RNGTT: variants seen among roughly 807,000 people sequenced by gnomAD.
RNGTT encodes mRNA-capping enzyme.
In RNGTT, 33 loss-of-function variants were observed where a neutral mutation model predicts 79.3. The ratio of observed to expected loss-of-function variants is 0.42; its 90% confidence interval spans 0.32 to 0.56. The LOEUF (loss-of-function observed/expected upper bound fraction) is 0.56, where lower values mean the gene tolerates loss of function less well. RNGTT is among the 20% of genes least tolerant of loss of function. The probability of loss-of-function intolerance (pLI) is 0.17; values close to 1 mark genes in which losing one functional copy is unlikely to be tolerated. For missense variants in RNGTT, 497 were observed against 739.1 expected, an observed-to-expected ratio of 0.67 and a Z score of 3.80; for synonymous variants, 222 against 235.9, an observed-to-expected ratio of 0.94 and a Z score of 0.54.
At chr6:88,906,481 T>C in intron 4 of RNGTT, 41 bp from the exon 5 acceptor site, 1 of 1,197,114 alleles carries the variant, frequency 8.4e-7, no homozygotes, top group Non-Finnish European at 1.2e-6. Context: ...AACAAATCAC[T>C]GCAGAGGCCA....
intron 13 of RNGTT, among the ~76,000 whole-genome samples, chr6:88,694,552 C>T (rs889720681): frequency 6.6e-5 from 10 of 151,828 alleles, no homozygotes; most frequent in Non-Finnish European, 1.2e-4. Flanking sequence ...CAATCCCTAT[C>T]GAAATTACAA....
At chr6:88,879,266 C>T (rs763703952) in intron 8 of RNGTT, among the ~76,000 whole-genome samples, 1 of 152,058 alleles carries the variant, frequency 6.6e-6, no homozygotes, top group African/African-American at 2.4e-5. Flanking sequence ...TGGTGGCATG[C>T]GCCTGTAGTC....
At chr6:88,942,182 A>C (rs970416011) in intron 1 of RNGTT, among the ~76,000 whole-genome samples, 29 of 152,128 alleles carry the variant, frequency 1.9e-4, no homozygotes, top group African/African-American at 7.0e-4. Flanking sequence ...TCTATATCTC[A>C]GGATAAAGAC....
At chr6:88,725,505 A>AG (rs1776863284) in intron 13 of RNGTT, among the ~76,000 whole-genome samples, 1 of 152,232 alleles carries the variant, frequency 6.6e-6, no homozygotes, top group Admixed American at 6.5e-5. Context: ...AGAAAGCCAC[A>AG]GGGGGTGGTG....
chr6:88,713,361 T>TGGGTA (rs1776384946), intron 13 of RNGTT, among the ~76,000 whole-genome samples: 1 of 152,204 alleles, frequency 6.6e-6, no homozygotes, highest in Non-Finnish European at 1.5e-5. Context: ...TTGTTTAAGT[T>TGGGTA]ACCCAGTCTA....
intron 11 of RNGTT, among the ~76,000 whole-genome samples, chr6:88,823,506 T>C (rs1227439548): frequency 6.6e-6 from 1 of 150,568 alleles, no homozygotes; most frequent in Non-Finnish European, 1.5e-5. Flanking sequence ...GGAGAATATA[T>C]CAGAAAAATA....
chr6:88,787,406 A>G (rs1392334213), intron 12 of RNGTT, among the ~76,000 whole-genome samples: 1 of 152,154 alleles, frequency 6.6e-6, no homozygotes, highest in Non-Finnish European at 1.5e-5. Context: ...CATGCCTGTA[A>G]TCCCAGCACT....
At chr6:88,741,330 T>C (rs573323923) in intron 13 of RNGTT, among the ~76,000 whole-genome samples, 59 of 152,130 alleles carry the variant, frequency 3.9e-4, no homozygotes, top group Non-Finnish European at 7.2e-4. Context: ...TTATTCTAAA[T>C]GTGAGAACAG....
intron 8 of RNGTT, among the ~76,000 whole-genome samples, chr6:88,855,894 T>C (rs1387597118): frequency 1.3e-5 from 2 of 152,238 alleles, no homozygotes; most frequent in South Asian, 2.1e-4. Context: ...GGATTATGTT[T>C]CAAAAGGAAT....
chr6:88,619,805 G>A lies in RNGTT; in HGVS notation c.1507-5410C>T, dbSNP rs376646798. On this transcript the variant is annotated intron_variant, in intron 14 of 15. Transcript: ENST00000369485. ...ACTCAAACAAAAATCTTGTTTTCAC[G>A]TAAATAACTTTGGTTTTTAGTTCTT... 1.2e-4 allele frequency among the ~76,000 whole-genome samples: 18 copies of A among 152,062 alleles called. No individual in the cohort carries two copies. In the East Asian group the frequency reaches 2.1e-3, roughly 18 times the overall value.
At chr6:88,668,725 G>A (rs946518299) in intron 14 of RNGTT, among the ~76,000 whole-genome samples, 3 of 150,956 alleles carry the variant, frequency 2.0e-5, no homozygotes, top group African/African-American at 7.4e-5. Context: ...GAGGACTGGT[G>A]GGGACTCATG....
chr6:88,943,416 A>G (rs1784911537), intron 1 of RNGTT, among the ~76,000 whole-genome samples: 1 of 152,294 alleles, frequency 6.6e-6, no homozygotes, highest in Admixed American at 6.5e-5. Context: ...TCCACCTTCA[A>G]AATACATCCA....
chr6:88,765,961 T>C (rs528076712), intron 13 of RNGTT, among the ~76,000 whole-genome samples: 18 of 152,114 alleles, frequency 1.2e-4, no homozygotes, highest in Non-Finnish European at 1.9e-4. Flanking sequence ...ACACAGAAAG[T>C]TGGACTTAGT....
intron 13 of RNGTT, among the ~76,000 whole-genome samples, chr6:88,734,444 A>G (rs939052262): frequency 6.6e-6 from 1 of 152,182 alleles, no homozygotes; most frequent in Admixed American, 6.5e-5. Context: ...AAAAACAGAT[A>G]TAAACATGGT....
intron 1 of RNGTT, among the ~76,000 whole-genome samples, chr6:88,953,268 T>C (rs896992167): frequency 1.8e-4 from 28 of 151,910 alleles, no homozygotes; most frequent in Admixed American, 1.8e-3. Flanking sequence ...ATAGAGATCA[T>C]AAAGAAAAAA....
intron 4 of RNGTT, among the ~76,000 whole-genome samples, chr6:88,908,913 T>G (rs1302679036): frequency 6.6e-6 from 1 of 151,078 alleles, no homozygotes; most frequent in Non-Finnish European, 1.5e-5. Context: ...GCCTGAGTGT[T>G]CTGCTGGCAG....
intron 12 of RNGTT, among the ~76,000 whole-genome samples, chr6:88,770,457 T>A (rs542753438): frequency 6.6e-6 from 1 of 152,346 alleles, no homozygotes; most frequent in East Asian, 1.9e-4. Flanking sequence ...GATGAATCTA[T>A]CCTGGTGCAT....
rs906394742 is a variant in RNGTT, at chr6:88,720,229, A to G, written c.1440-41810T>C. 1.5e-4 allele frequency among the ~76,000 whole-genome samples: 23 copies of G among 152,294 alleles called. No homozygotes were observed. In the Middle Eastern group the frequency reaches 0.014, roughly 90 times the overall value. ...CCACTACCTATTAAAGACTTTGGGC[A>G]TTATCAATATGTTACAGTTCCTATG... On this transcript the variant is annotated intron_variant, in intron 13 of 15. Transcript: ENST00000369485.
At chr6:88,636,605 T>C (rs1372515497) in intron 14 of RNGTT, among the ~76,000 whole-genome samples, 1 of 151,548 alleles carries the variant, frequency 6.6e-6, no homozygotes, top group Non-Finnish European at 1.5e-5. Context: ...TAATTATTAA[T>C]GATGGTATTA....
Sources: allele counts gnomAD v4.1 joint callset (sites outside exome capture counted in the v4.1 genomes callset), GRCh38; gene constraint gnomAD v4.1.1; transcripts MANE v1.5; gene names NCBI Gene and HGNC (gene_info 2026-07-23, HGNC 2026-07-21).